CHPT1: variants seen among roughly 807,000 people sequenced by gnomAD.
CHPT1 encodes cholinephosphotransferase 1.
Under a neutral mutation model 47.6 loss-of-function variants are expected in CHPT1, and 36 were observed. The ratio of observed to expected loss-of-function variants is 0.76; its 90% CI spans 0.58 to 1.00. The LOEUF is 1.00. CHPT1 is among the 50% of genes least tolerant of loss of function. The pLI is 0.00. For synonymous variants in CHPT1, 194 were observed against 186.3 expected, an observed-to-expected ratio of 1.04 and a Z score of -0.33; for missense variants, 458 against 498.1, an observed-to-expected ratio of 0.92 and a Z score of 0.77.
At chr12:101,722,602 C>A (rs1472400424) in intron 5 of CHPT1, among the ~76,000 whole-genome samples, 4 of 151,252 alleles carry the variant, frequency 2.6e-5, no homozygotes, top group African/African-American at 4.9e-5. Flanking sequence ...CCTGTAATCC[C>A]AGCACTTTGA....
chr12:101,698,240 C>A (rs888763997), intron 1 of CHPT1, 106 bp downstream of exon 1: 10 of 1,336,926 alleles, frequency 7.5e-6, no homozygotes, highest in Non-Finnish European at 9.5e-6. Context: ...CTCTCCCGGG[C>A]CCCGGAGGGG....
chr12:101,715,563 G>C (rs540717700), intron 3 of CHPT1, among the ~76,000 whole-genome samples: 1 of 151,562 alleles, frequency 6.6e-6, no homozygotes, highest in Non-Finnish European at 1.5e-5. Context: ...CATTTATCCC[G>C]TAAGGTGGGT....
intron 5 of CHPT1, 110 bp downstream of exon 5, chr12:101,720,364 G>A: frequency 2.2e-6 from 2 of 904,992 alleles, no homozygotes; most frequent in South Asian, 3.1e-5. Context: ...AGGAAACTAA[G>A]TATCTTAAAG....
chr12:101,727,735 T>C (rs1342600541), intron 8 of CHPT1: 2 of 152,340 alleles, frequency 1.3e-5, no homozygotes, highest in South Asian at 2.1e-4. Flanking sequence ...TCTAATAATA[T>C]ATACTTTGGC....
intron 1 of CHPT1, among the ~76,000 whole-genome samples, chr12:101,700,656 T>C (rs1440078556): frequency 6.6e-6 from 1 of 152,218 alleles, no homozygotes; most frequent in Non-Finnish European, 1.5e-5. Flanking sequence ...AAAGATCCTA[T>C]GTTTTACATA....
rs1200982792 is a variant in CHPT1 at position 101,716,877 on chromosome 12, T to C, written c.648+65T>C. ...AAATATTTAGGAAAAAGTATTGCAT[T>C]GTTAATTTTCTTCAAAAATCCTTGG... On this transcript the variant is annotated intron_variant, in intron 4 of 8. Coordinates refer to ENST00000229266, the MANE Select transcript of CHPT1 (RefSeq NM_020244.3). 6.0e-6 allele frequency: 6 copies of C among 1,006,492 alleles called. No homozygotes were observed. The African/African-American group carries it at 1.0e-4, about 17-fold the overall frequency. 62.3% of individuals were successfully genotyped at this position (1,006,492 alleles called of 1,614,324 possible).
intron 1 of CHPT1, among the ~76,000 whole-genome samples, chr12:101,708,841 C>T (rs1314245841): frequency 6.7e-6 from 1 of 148,548 alleles, no homozygotes; most frequent in African/African-American, 2.4e-5. Context: ...AAGTGATCAG[C>T]CCACCTTGGC....
chr12:101,723,296 T>C lies in CHPT1; in HGVS notation c.909T>C (p.Cys303=). ...GTCTTTATATCCTAATGTTTGGATG[T>C]GTCTTTGCTAAAGTCTCACAAAAAT... ...HPCLYILMFG[C]VFAKVSQKLV... The change falls in exon 6 of 9, where the codon TGT becomes TGC. Residue 303 remains cysteine, a synonymous_variant. Transcript: ENST00000229266. The C allele has an allele frequency of 3.1e-6, 5 of 1,606,564 alleles. No individual in the cohort carries two copies. The highest frequency in any genetic ancestry group is 4.2e-6 in the Non-Finnish European group (5 of 1,177,038).
rs749005591 is a variant in CHPT1, at chr12:101,714,602, G to T, written c.520G>T (p.Ala174Ser). Reference protein sequence around the residue: ...SFIGMFVFYCAHWQTYVSGML... With the variant: ...SFIGMFVFYCSHWQTYVSGML... ...TATTGGGATGTTTGTGTTTTATTGC[G>T]CTCATTGGCAGACTTATGTTTCAGG... The change falls in exon 3 of 9, where the codon GCT becomes TCT. Residue 174 changes from alanine to serine, a missense_variant. Coordinates refer to ENST00000229266, the MANE Select transcript of CHPT1 (RefSeq NM_020244.3). The T allele has an allele frequency of 2.0e-5, 33 of 1,610,420 alleles. No individual in the cohort carries two copies. The South Asian group carries it at 3.6e-4, about 18-fold the overall frequency.
Position 101,723,177 on chromosome 12 carries a change from G to T in CHPT1, c.790G>T (p.Val264Phe), listed in dbSNP as rs770145626. ...CTGCTTTATCCCTTAGGGCACCAGT[G>T]TCTTGTCACCTGGACTCCACATAGG... ...KNGSTIAGTS[V>F]LSPGLHIGLI... The change falls in exon 6 of 9, where the codon GTC (valine) becomes TTC (phenylalanine). Residue 264 changes from valine (V) to phenylalanine (F), a missense_variant. Val to Phe is a conservative substitution (Grantham distance 50, BLOSUM62 -1). Transcript: ENST00000229266. The T allele has an allele frequency of 1.5e-5, 24 of 1,612,140 alleles. No individual in the cohort carries two copies. The East Asian group carries it at 5.1e-4, about 34-fold the overall frequency.
rs1230524629 is a variant in CHPT1, at chr12:101,714,088, A to G, written c.274-2A>G. On this transcript the variant is annotated splice_acceptor_variant, in intron 1 of 8. Transcript: ENST00000229266. LOFTEE classifies it high-confidence loss of function. ...TCTTTATTTTATTTACATTTTTTAT[A>G]GGCACCATACTGGACATACCTTTTA... 8.3e-6 allele frequency: 13 copies of G among 1,569,540 alleles called. No individual in the cohort carries two copies. The highest frequency in any genetic ancestry group is 1.4e-5 in the African/African-American group (1 of 72,770).
Position 101,698,015 on chromosome 12 carries a change from T to TG in CHPT1, c.156dup (p.Leu53AlafsTer62). 1 of 1,578,394 alleles carries TG rather than the reference T, an allele frequency of 6.3e-7. No individual in the cohort carries two copies. ...GCCGCCGCTGCAGCTCTACTGGACC[T>TG]GGCTGCTCCAGTGGATCCCGCTCTG... On this transcript the variant is annotated frameshift_variant, in exon 1 of 9. Coordinates refer to ENST00000229266, the MANE Select transcript of CHPT1 (RefSeq NM_020244.3). LOFTEE classifies it high-confidence loss of function.
intron 8 of CHPT1, chr12:101,728,637 G>A (rs1952037967): frequency 2.7e-6 from 1 of 369,648 alleles, no homozygotes; most frequent in African/African-American, 2.1e-5. Context: ...GAGATACAAT[G>A]AAGCCAAACC....
intron 5 of CHPT1, among the ~76,000 whole-genome samples, chr12:101,720,770 C>T (rs1457005888): frequency 5.3e-5 from 8 of 152,160 alleles, no homozygotes; most frequent in Non-Finnish European, 1.0e-4. Context: ...ACACCTTGCT[C>T]ATGCAAGTAT....
intron 1 of CHPT1, among the ~76,000 whole-genome samples, chr12:101,708,810 T>C (rs908017576): frequency 2.0e-5 from 3 of 148,328 alleles, no homozygotes; most frequent in Non-Finnish European, 4.5e-5. Context: ...CTGGCCAGGC[T>C]TGTCTCAAAC....
At chr12:101,724,754 A>ACAGATAT (rs1555263495) in intron 7 of CHPT1, among the ~76,000 whole-genome samples, 5 of 151,638 alleles carry the variant, frequency 3.3e-5, no homozygotes, top group African/African-American at 9.7e-5. Flanking sequence ...CGTGGATGAC[A>ACAGATAT]TAATTTCTAT....
In CHPT1 at chr12:101,711,824, A is replaced by G. The variant is rs185314647; in HGVS notation, c.274-2266A>G. 3.4e-4 allele frequency among the ~76,000 whole-genome samples: 51 copies of G among 148,826 alleles called. 4 individuals are homozygous for G. Among genetic ancestry groups the G allele is most frequent in the Admixed American group, 5.5e-4 (8 of 14,620 alleles). On this transcript the variant is annotated intron_variant, in intron 1 of 8. Transcript: ENST00000229266. Reference sequence around the variant, plus strand: ...TTTAAAAAAGAATTTACTAGTTTGAAAAGAATTTACTAGGTTAACAGAATT... The same window carrying G: ...TTTAAAAAAGAATTTACTAGTTTGAGAAGAATTTACTAGGTTAACAGAATT...
chr12:101,725,737 CTA>C (rs1453825745), intron 7 of CHPT1, among the ~76,000 whole-genome samples: 1 of 152,094 alleles, frequency 6.6e-6, no homozygotes, highest in African/African-American at 2.4e-5. Flanking sequence ...AAGGGCAGAG[CTA>C]TGAGTCTCCT....
At chr12:101,698,460 A>AACCTGTGAGACGG (rs1951498953) in intron 1 of CHPT1, among the ~76,000 whole-genome samples, 1 of 152,204 alleles carries the variant, frequency 6.6e-6, no homozygotes, top group Non-Finnish European at 1.5e-5. Context: ...ATGCGGCGCC[A>AACCTGTGAGACGG]ACCTGTGAGA....
Sources: allele counts gnomAD v4.1 joint callset (sites outside exome capture counted in the v4.1 genomes callset), GRCh38; gene constraint gnomAD v4.1.1; transcripts MANE v1.5; gene names NCBI Gene and HGNC (gene_info 2026-07-23, HGNC 2026-07-21).